The following PHF20 variants were observed in gnomAD, a reference collection of about 807,000 sequenced individuals.
The protein encoded by PHF20 is PHD finger protein 20, also known as glioma-expressed antigen 2.
Under a neutral mutation model 113.5 loss-of-function variants are expected in PHF20, and 23 were observed. The observed-to-expected ratio is 0.20, with a 90% CI of 0.15 to 0.29. The LOEUF is 0.29. Ranked by LOEUF, PHF20 falls within the 10% of genes least tolerant of loss-of-function variation. PHF20 has a pLI of 1.00. For synonymous variants in PHF20, 434 were observed against 457.3 expected (o/e 0.95, Z 0.65); for missense variants, 943 against 1,219.6 (o/e 0.77, Z 3.38).
At chr20:35,798,571 C>T (rs942869826) in intron 1 of PHF20, among the ~76,000 whole-genome samples, 1 of 151,820 alleles carries the variant, frequency 6.6e-6, no homozygotes, top group African/African-American at 2.4e-5. Flanking sequence ...TCTCCTGCCT[C>T]AGCCTCCCAG....
chr20:35,807,316 T>A (rs2041901063), intron 2 of PHF20, among the ~76,000 whole-genome samples: 1 of 151,862 alleles, frequency 6.6e-6, no homozygotes. Context: ...TATTCCTAAG[T>A]ACTGTCTAGT....
At chr20:35,833,052 A>G (rs2042381754) in intron 2 of PHF20, among the ~76,000 whole-genome samples, 1 of 104,300 alleles carries the variant, frequency 9.6e-6, no homozygotes, top group Non-Finnish European at 2.0e-5. Context: ...CTCCATCTCA[A>G]AAAAAAAAAA....
intron 9 of PHF20, among the ~76,000 whole-genome samples, chr20:35,894,389 G>A (rs962963120): frequency 1.3e-5 from 2 of 152,152 alleles, no homozygotes; most frequent in Admixed American, 6.5e-5. Context: ...GAAATAGGTG[G>A]TATTCTTCCC....
chr20:35,841,121 G>C (rs925404927), intron 2 of PHF20, among the ~76,000 whole-genome samples: 1 of 152,024 alleles, frequency 6.6e-6, no homozygotes, highest in Non-Finnish European at 1.5e-5. Context: ...ATCCTGGGCA[G>C]ATAGCTTGAG....
At chr20:35,845,540 A>T (rs541211621) in intron 3 of PHF20, 45 of 165,248 alleles carry the variant, frequency 2.7e-4, no homozygotes, top group South Asian at 1.4e-3. Flanking sequence ...TAATTAAAAA[A>T]TTTTTTTTGT....
At chr20:35,911,643 A>G (rs1270615408) in intron 10 of PHF20, among the ~76,000 whole-genome samples, 1 of 152,136 alleles carries the variant, frequency 6.6e-6, no homozygotes, top group African/African-American at 2.4e-5. Flanking sequence ...TAAGAGAAGA[A>G]GAAACGACTG....
chr20:35,816,966 A>G (rs2042087038), intron 2 of PHF20, among the ~76,000 whole-genome samples: 1 of 149,708 alleles, frequency 6.7e-6, no homozygotes, highest in South Asian at 2.1e-4. Context: ...AATTTTTTGT[A>G]TTTTTAGTAG....
chr20:35,860,761 G>T (rs1258460130), intron 5 of PHF20, among the ~76,000 whole-genome samples: 1 of 152,112 alleles, frequency 6.6e-6, no homozygotes, highest in Admixed American at 6.6e-5. Context: ...TTTGTGTTAG[G>T]TTTGTAGAAC....
chr20:35,915,535 C>T (rs551409590), intron 12 of PHF20, among the ~76,000 whole-genome samples: 7 of 151,692 alleles, frequency 4.6e-5, no homozygotes, highest in African/African-American at 7.3e-5. Context: ...TACAGGTGTA[C>T]GCCACCACGC....
At chr20:35,811,445 C>CTT (rs1392193315) in intron 2 of PHF20, among the ~76,000 whole-genome samples, 4 of 139,812 alleles carry the variant, frequency 2.9e-5, no homozygotes, top group Non-Finnish European at 6.3e-5. Flanking sequence ...TAAGTCCCAG[C>CTT]TTTTTTTTTT....
At position 35,881,539 on chromosome 20, in the gene PHF20, TAAAAAAAAAAAAA is replaced by T. The variant is rs373064389; in HGVS notation, c.1282+9715_1282+9727del. On this transcript the variant is annotated intron_variant, in intron 9 of 17. Transcript: ENST00000374012. ...CTGGGCGACAGAGCAAGACTCTGTC[TAAAAAAAAAAAAA>T]AAAAGAAAAAGAAAAAAATATTCCA... Among the ~76,000 whole-genome samples the T allele has an allele frequency of 1.2e-4, 13 of 109,408 alleles. No individual in the cohort carries two copies. The East Asian group carries it at 3.4e-3, about 29-fold the overall frequency. 71.8% of individuals were successfully genotyped at this position (109,408 alleles called of 152,430 possible).
intron 4 of PHF20, 56 bp downstream of exon 4, chr20:35,847,490 TG>T (rs1269728730): frequency 2.9e-6 from 3 of 1,052,344 alleles, no homozygotes; most frequent in Non-Finnish European, 4.5e-6. Context: ...TGGGGGGGGA[TG>T]TTTGTAATAT....
At chr20:35,905,000 T>C (rs1488830019) in intron 10 of PHF20, among the ~76,000 whole-genome samples, 1 of 151,886 alleles carries the variant, frequency 6.6e-6, no homozygotes, top group Non-Finnish European at 1.5e-5. Context: ...TAATTTTGTA[T>C]TTTTAGTAGA....
At chr20:35,898,155 G>T (rs775222224) in intron 9 of PHF20, among the ~76,000 whole-genome samples, 1 of 152,164 alleles carries the variant, frequency 6.6e-6, no homozygotes. Flanking sequence ...GATTACAGGC[G>T]TGAGCCACTG....
chr20:35,879,492 A>AT (rs2054587424), intron 9 of PHF20, among the ~76,000 whole-genome samples: 1 of 152,084 alleles, frequency 6.6e-6, no homozygotes, highest in Admixed American at 6.6e-5. Flanking sequence ...TGCTTTGCTT[A>AT]TTTTTTCTGT....
intron 10 of PHF20, 75 bp from the exon 11 acceptor site, chr20:35,913,173 CT>C (rs998602961): frequency 5.8e-6 from 6 of 1,035,432 alleles, no homozygotes; most frequent in Non-Finnish European, 8.7e-6. Context: ...ATCGGACATG[CT>C]TGCTTAGGAG....
At chr20:35,920,731 C>T (rs1243930166) in intron 13 of PHF20, among the ~76,000 whole-genome samples, 2 of 152,276 alleles carry the variant, frequency 1.3e-5, no homozygotes, top group African/African-American at 2.4e-5. Flanking sequence ...AGTGGACATG[C>T]GCATGTACAT....
intron 1 of PHF20, among the ~76,000 whole-genome samples, chr20:35,800,483 A>G (rs2041758783): frequency 1.3e-5 from 2 of 152,196 alleles, no homozygotes; most frequent in African/African-American, 2.4e-5. Flanking sequence ...AAGAAAGTAT[A>G]AACAATTCTG....
chr20:35,855,245 C>T (rs2042804958), intron 4 of PHF20: 1 of 1,334,064 alleles, frequency 7.5e-7, no homozygotes, highest in Non-Finnish European at 9.9e-7. Context: ...TGCTTGCCAA[C>T]ACCCTGACAA....
Sources: allele counts gnomAD v4.1 joint callset (sites outside exome capture counted in the v4.1 genomes callset), GRCh38; gene constraint gnomAD v4.1.1; transcripts MANE v1.5; gene names NCBI Gene and HGNC (gene_info 2026-07-23, HGNC 2026-07-21).